The following ATP8A2 variants were observed in gnomAD, a reference collection of about 807,000 sequenced individuals.
ATP8A2 encodes phospholipid-transporting ATPase IB.
A neutral mutation model predicts 165.6 loss-of-function variants in ATP8A2; 100 were observed. The observed-to-expected ratio is 0.60, with a 90% CI of 0.51 to 0.71. ATP8A2 has a LOEUF of 0.71. ATP8A2 is among the 30% of genes least tolerant of loss of function. ATP8A2 has a pLI of 0.00. For missense variants in ATP8A2, 1,227 were observed against 1,479.5 expected (o/e 0.83, Z 2.80); for synonymous variants, 543 against 548.8 (o/e 0.99, Z 0.15).
intron 24 of ATP8A2, among the ~76,000 whole-genome samples, chr13:25,655,856 T>C (rs542288830): frequency 6.6e-6 from 1 of 152,328 alleles, no homozygotes; most frequent in East Asian, 1.9e-4. Flanking sequence ...ACGTACCTTA[T>C]GTGGTTTTAG....
intron 1 of ATP8A2, chr13:25,468,759 G>A (rs1220065106): frequency 2.3e-6 from 2 of 886,086 alleles, no homozygotes; most frequent in Admixed American, 1.2e-4. Flanking sequence ...GGCCGCGCGG[G>A]GCGTGGGCGT....
intron 2 of ATP8A2, among the ~76,000 whole-genome samples, chr13:25,495,133 G>T (rs2036635637): frequency 6.6e-6 from 1 of 152,190 alleles, no homozygotes; most frequent in Non-Finnish European, 1.5e-5. Flanking sequence ...AGAACAGGAA[G>T]TCGACAACGT....
At chr13:25,934,075 A>C (rs1445693224) in intron 33 of ATP8A2, among the ~76,000 whole-genome samples, 2 of 152,194 alleles carry the variant, frequency 1.3e-5, no homozygotes, top group African/African-American at 4.8e-5. Flanking sequence ...CCAAAAGAAA[A>C]GGTTTACCTG....
intron 24 of ATP8A2, among the ~76,000 whole-genome samples, chr13:25,638,885 C>T (rs1003851741): frequency 2.0e-5 from 3 of 152,104 alleles, no homozygotes; most frequent in Admixed American, 6.5e-5. Context: ...AAAGAGAAAC[C>T]CATCAGACTA....
intron 2 of ATP8A2, among the ~76,000 whole-genome samples, chr13:25,482,507 G>A (rs1321285069): frequency 6.6e-6 from 1 of 152,152 alleles, no homozygotes; most frequent in Admixed American, 6.5e-5. Context: ...GGGCAGGCCA[G>A]ACATGGGGAA....
chr13:26,014,240 GC>G lies in ATP8A2; in HGVS notation c.3469+1620del, dbSNP rs1446781415. On this transcript the variant is annotated intron_variant, in intron 36 of 36. Transcript: ENST00000381655. ...TGGGTAATATGAGAACTTACTGGAT[GC>G]CAGAGGTTCAGTGTAGGTCCTGCCA... Among the ~76,000 whole-genome samples, 8 of 152,334 alleles carry G rather than the reference GC, an allele frequency of 5.3e-5. No homozygotes were observed. The East Asian group carries it at 1.5e-3, about 29-fold the overall frequency.
chr13:25,811,508 C>T (rs746998419), intron 27 of ATP8A2, among the ~76,000 whole-genome samples: 2 of 152,008 alleles, frequency 1.3e-5, no homozygotes, highest in African/African-American at 2.4e-5. Flanking sequence ...ATCCTTGCCC[C>T]GGTTGTACTT....
intron 33 of ATP8A2, among the ~76,000 whole-genome samples, chr13:25,932,497 A>G (rs897485316): frequency 6.6e-6 from 1 of 152,164 alleles, no homozygotes; most frequent in East Asian, 1.9e-4. Flanking sequence ...ATCAAACCCA[A>G]ATACTTGCAC....
chr13:25,481,740 C>G (rs1303326804), intron 2 of ATP8A2, among the ~76,000 whole-genome samples: 1 of 152,188 alleles, frequency 6.6e-6, no homozygotes, highest in African/African-American at 2.4e-5. Context: ...GGTGCGGGCT[C>G]TCTCCTGGCT....
intron 33 of ATP8A2, among the ~76,000 whole-genome samples, chr13:25,941,371 C>T (rs931722389): frequency 5.9e-5 from 9 of 152,136 alleles, no homozygotes; most frequent in Non-Finnish European, 1.2e-4. Flanking sequence ...AGTTCAGCAG[C>T]CCTCTTTCCT....
At chr13:25,706,837 G>T (rs1233674594) in intron 25 of ATP8A2, among the ~76,000 whole-genome samples, 1 of 152,030 alleles carries the variant, frequency 6.6e-6, no homozygotes, top group African/African-American at 2.4e-5. Flanking sequence ...TTTGTTGATT[G>T]CATGCAATTA....
At position 25,876,852 on chromosome 13, in the gene ATP8A2, T is replaced by C. The variant is rs543239513; in HGVS notation, c.3183+14444T>C. ...TAGAATTAAATATTGCATTGGGGCA[T>C]TGTAATAGTTTTCTATAATATAAAC... is the stretch of plus-strand genomic sequence containing the variant. On this transcript the variant is annotated intron_variant, in intron 33 of 36. Coordinates refer to ENST00000381655, the MANE Select transcript of ATP8A2 (RefSeq NM_016529.6). 2.0e-5 allele frequency among the ~76,000 whole-genome samples: 3 copies of C among 152,312 alleles called. No individual in the cohort carries two copies. The East Asian group carries it at 5.8e-4, about 29-fold the overall frequency.
At chr13:26,014,897 TA>T (rs1956932774) in intron 36 of ATP8A2, among the ~76,000 whole-genome samples, 1 of 152,174 alleles carries the variant, frequency 6.6e-6, no homozygotes, top group African/African-American at 2.4e-5. Flanking sequence ...ACAGCATGTG[TA>T]AAGCACCTTC....
intron 1 of ATP8A2, among the ~76,000 whole-genome samples, chr13:25,465,751 C>T (rs1332329860): frequency 6.0e-5 from 2 of 33,310 alleles, no homozygotes; most frequent in African/African-American, 2.0e-4. Context: ...CTCCCTCCCT[C>T]TCTCTCTCTC....
At chr13:25,972,846 A>C (rs375928192) in intron 35 of ATP8A2, among the ~76,000 whole-genome samples, 34 of 152,310 alleles carry the variant, frequency 2.2e-4, no homozygotes, top group African/African-American at 8.2e-4. Flanking sequence ...ACGGCGTGTA[A>C]GATGACAGAC....
intron 24 of ATP8A2, among the ~76,000 whole-genome samples, chr13:25,696,854 C>T (rs1053329141): frequency 2.6e-5 from 4 of 152,198 alleles, no homozygotes; most frequent in Admixed American, 2.6e-4. Flanking sequence ...CTAACTGGTG[C>T]AAGAGGCCTA....
At chr13:25,554,535 G>A (rs60916589) in intron 12 of ATP8A2, among the ~76,000 whole-genome samples, 36,380 of 143,382 alleles carry the variant, frequency 0.25, 4,451 homozygotes, top group African/African-American at 0.33. Context: ...GTGTATGTGT[G>A]TGTGTGTGTG....
At chr13:25,939,940 C>T (rs1300190204) in intron 33 of ATP8A2, among the ~76,000 whole-genome samples, 1 of 152,182 alleles carries the variant, frequency 6.6e-6, no homozygotes, top group African/African-American at 2.4e-5. Context: ...AACTCCCCTG[C>T]CCTTCTTGGT....
At chr13:25,517,626 T>C (rs2037522909) in intron 2 of ATP8A2, among the ~76,000 whole-genome samples, 1 of 152,224 alleles carries the variant, frequency 6.6e-6, no homozygotes, top group African/African-American at 2.4e-5. Flanking sequence ...TTTCACTCCT[T>C]GGATGTGTTT....
Sources: allele counts gnomAD v4.1 joint callset (sites outside exome capture counted in the v4.1 genomes callset), GRCh38; gene constraint gnomAD v4.1.1; transcripts MANE v1.5; gene names NCBI Gene and HGNC (gene_info 2026-07-23, HGNC 2026-07-21).